The following YTHDC2 variants were observed in gnomAD, a reference collection of about 807,000 sequenced individuals.
The protein encoded by YTHDC2 is YTH N6-methyladenosine RNA binding protein C2, also known as 3'-5' RNA helicase YTHDC2.
YTHDC2 carries 45 observed loss-of-function variants against 174.9 expected under a neutral mutation model. The ratio of observed to expected loss-of-function variants is 0.26; its 90% CI spans 0.20 to 0.33. The LOEUF (loss-of-function observed/expected upper bound fraction) is 0.33. Among genes scored for constraint, YTHDC2 ranks in the 10% least tolerant of loss-of-function variants. YTHDC2 has a pLI of 1.00. For missense variants in YTHDC2, 1,650 were observed against 1,723.7 expected (o/e 0.96, Z 0.76); for synonymous variants, 657 against 574.5 (o/e 1.14, Z -2.05).
chr5:113,590,207 A>G (rs1778933793), intron 26 of YTHDC2, among the ~76,000 whole-genome samples: 1 of 152,186 alleles, frequency 6.6e-6, no homozygotes. Flanking sequence ...CAATAGCGTT[A>G]GACTTTGTTG....
rs1199221425 is a variant in YTHDC2 at position 113,556,095 on chromosome 5, T to C, written c.2177T>C (p.Val726Ala). The C allele has an allele frequency of 1.9e-6, 3 of 1,609,920 alleles. No individual in the cohort carries two copies. Among genetic ancestry groups the C allele is most frequent in the Admixed American group, 1.7e-5 (1 of 59,894 alleles). Reference protein sequence around the residue: ...ALNFVTMLKMVWISKASAIQR... With the variant: ...ALNFVTMLKMAWISKASAIQR... ...AATTTTGTTACAATGTTAAAAATGG[T>C]ATGGATTTCCAAAGCTAGTGCCATA... is the stretch of plus-strand genomic sequence containing the variant. Residue 726 changes from valine (V) to alanine (A), a missense_variant, in exon 17 of 30, where the codon GTA becomes GCA. Physicochemically the swap from Val to Ala is moderately conservative, Grantham distance 64. This residue lies in a region of YTHDC2 where 913 missense variants were observed against 940.4 expected (regional missense o/e 0.97). Coordinates refer to ENST00000161863, the MANE Select transcript of YTHDC2 (RefSeq NM_022828.5).
intron 7 of YTHDC2, among the ~76,000 whole-genome samples, chr5:113,537,220 A>G (rs1044373678): frequency 3.9e-5 from 6 of 152,160 alleles, no homozygotes; most frequent in Admixed American, 6.5e-5. Context: ...AATGATTTAC[A>G]TTTCTGAAGT....
chr5:113,588,524 A>G (rs1250774557), intron 26 of YTHDC2, among the ~76,000 whole-genome samples: 2 of 152,006 alleles, frequency 1.3e-5, no homozygotes, highest in Admixed American at 6.6e-5. Context: ...GTCCCACTTC[A>G]GTATTTTAGA....
chr5:113,587,522 ATATT>A (rs928900655), intron 26 of YTHDC2, among the ~76,000 whole-genome samples: 8 of 138,318 alleles, frequency 5.8e-5, no homozygotes, highest in Non-Finnish European at 1.1e-4. Flanking sequence ...TATGTAATAT[ATATT>A]ATGTATTTAT....
At chr5:113,566,715 A>C (rs945600010) in intron 21 of YTHDC2, among the ~76,000 whole-genome samples, 1 of 152,196 alleles carries the variant, frequency 6.6e-6, no homozygotes, top group Admixed American at 6.6e-5. Flanking sequence ...ATTAGTATCT[A>C]TCATAACCAA....
chr5:113,563,416 C>T lies in YTHDC2; in HGVS notation c.2366C>T (p.Pro789Leu). 2 of 1,610,554 alleles carry T rather than the reference C, an allele frequency of 1.2e-6. No individual in the cohort carries two copies. The highest frequency in any genetic ancestry group is 8.5e-7 in the Non-Finnish European group (1 of 1,177,916). Residue 789 changes from proline (P) to leucine (L), a missense_variant, in exon 19 of 30, where the codon CCC (proline) becomes CTC (leucine). Physicochemically the swap from Pro to Leu is moderately conservative, Grantham distance 98 (BLOSUM62 -3). Coordinates refer to ENST00000161863, the MANE Select transcript of YTHDC2 (RefSeq NM_022828.5). ...AAGCTGTTAGCCCCAGTTAATTGTC[C>T]CATTGCTGATTTTCTTATGAAAGCT... ...HTKLLAPVNC[P>L]IADFLMKAPE...
At chr5:113,545,099 A>T (rs552981623) in intron 10 of YTHDC2, among the ~76,000 whole-genome samples, 27 of 152,224 alleles carry the variant, frequency 1.8e-4, no homozygotes, top group Admixed American at 5.9e-4. Flanking sequence ...ACAATTTTTT[A>T]AAAAATTCTA....
intron 21 of YTHDC2, 106 bp downstream of exon 21, chr5:113,566,125 T>C: frequency 7.9e-7 from 1 of 1,271,392 alleles, no homozygotes; most frequent in Non-Finnish European, 1.1e-6. Context: ...TTTTATGACA[T>C]TATCATGTTG....
chr5:113,548,326 A>G (rs1293506399), intron 10 of YTHDC2, among the ~76,000 whole-genome samples: 1 of 152,128 alleles, frequency 6.6e-6, no homozygotes, highest in Non-Finnish European at 1.5e-5. Context: ...CTTCCAACCA[A>G]CAGTCTTTAT....
chr5:113,566,174 T>C (rs1777315999), intron 21 of YTHDC2, among the ~76,000 whole-genome samples, 155 bp downstream of exon 21: 1 of 152,204 alleles, frequency 6.6e-6, no homozygotes, highest in Non-Finnish European at 1.5e-5. Flanking sequence ...GACTTCGATA[T>C]GTCTTCAACT....
rs1775792879 is a variant in YTHDC2, at chr5:113,545,368, TTTTGTTTTGTTTTG to T, written c.1495+2869_1495+2882del. On this transcript the variant is annotated intron_variant, in intron 10 of 29. Transcript: ENST00000161863. ...AAGCTCATTATTCTTTTTTGTTTTG[TTTTGTTTTGTTTTG>T]TTTTGTTTTGTTTTGTTTTGAAACA... Among the ~76,000 whole-genome samples the T allele has an allele frequency of 5.5e-5, 7 of 127,190 alleles. No homozygotes were observed. The South Asian group carries it at 1.7e-3, about 31-fold the overall frequency. 83.4% of individuals were successfully genotyped at this position (127,190 alleles called of 152,430 possible).
At chr5:113,514,315 C>T (rs1468278361) in intron 1 of YTHDC2, 7 of 698,338 alleles carry the variant, frequency 1.0e-5, no homozygotes, top group African/African-American at 1.8e-5. Flanking sequence ...ACTTTGCTCC[C>T]TAGCTGAAAG....
intron 23 of YTHDC2, among the ~76,000 whole-genome samples, chr5:113,578,943 C>T (rs1223676419): frequency 6.6e-6 from 1 of 152,028 alleles, no homozygotes; most frequent in Non-Finnish European, 1.5e-5. Context: ...TAGCCTATAT[C>T]AATTTCATAT....
At chr5:113,576,996 T>C (rs558887784) in intron 23 of YTHDC2, among the ~76,000 whole-genome samples, 1 of 152,158 alleles carries the variant, frequency 6.6e-6, no homozygotes, top group South Asian at 2.1e-4. Flanking sequence ...TTTATAACCA[T>C]GTTGAGTTGA....
intron 12 of YTHDC2, among the ~76,000 whole-genome samples, chr5:113,551,242 A>G (rs1776233373): frequency 6.6e-6 from 1 of 152,040 alleles, no homozygotes; most frequent in African/African-American, 2.4e-5. Context: ...AACACTTTGA[A>G]TGTTCCAGAC....
At chr5:113,592,357 CTCCTT>C in intron 28 of YTHDC2, 179 bp downstream of exon 28, 2 of 511,868 alleles carry the variant, frequency 3.9e-6, no homozygotes, top group Non-Finnish European at 6.5e-6. Flanking sequence ...TGTCTGATTG[CTCCTT>C]GCAGTCAGAG....
At chr5:113,525,929 G>A (rs1774195963) in intron 3 of YTHDC2, among the ~76,000 whole-genome samples, 1 of 151,978 alleles carries the variant, frequency 6.6e-6, no homozygotes, top group South Asian at 2.1e-4. Flanking sequence ...CATATTTTGA[G>A]CTACATGAAT....
At chr5:113,542,251 A>G (rs1170187516) in intron 9 of YTHDC2, 117 bp from the exon 10 acceptor site, 12 of 1,059,130 alleles carry the variant, frequency 1.1e-5, no homozygotes, top group African/African-American at 9.7e-5. Flanking sequence ...ATGTCAAAGC[A>G]TTTGCTATAT....
intron 2 of YTHDC2, among the ~76,000 whole-genome samples, chr5:113,521,078 G>T (rs1419819325): frequency 6.6e-6 from 1 of 152,168 alleles, no homozygotes; most frequent in Non-Finnish European, 1.5e-5. Flanking sequence ...CTGTGTTCCT[G>T]CAAAGGACAT....
Sources: allele counts gnomAD v4.1 joint callset (sites outside exome capture counted in the v4.1 genomes callset), GRCh38; gene constraint gnomAD v4.1.1; regional missense constraint gnomAD v4.1.1; transcripts MANE v1.5; gene names NCBI Gene and HGNC (gene_info 2026-07-23, HGNC 2026-07-21).